The following CNTLN variants were observed in gnomAD, a reference collection of about 807,000 sequenced individuals.
The protein encoded by CNTLN is centlein, also known as centlein, centrosomal protein.
Under a neutral mutation model 180.0 loss-of-function variants are expected in CNTLN, and 212 were observed. That is an observed-to-expected ratio of 1.18 (90% CI 1.05 to 1.32). The LOEUF (loss-of-function observed/expected upper bound fraction) is 1.32, where lower values mean the gene tolerates loss of function less well. Ranked by LOEUF, CNTLN falls within the 40% of genes most tolerant of loss-of-function variation. The pLI, the probability that CNTLN is intolerant of heterozygous loss-of-function variation, is 0.00. For synonymous variants in CNTLN, 722 were observed against 563.1 expected, an observed-to-expected ratio of 1.28 and a Z score of -3.99; for missense variants, 2,095 against 1,610.9, an observed-to-expected ratio of 1.30 and a Z score of -5.14.
chr9:17,208,287 T>C (rs1823060621), intron 2 of CNTLN, among the ~76,000 whole-genome samples: 1 of 152,210 alleles, frequency 6.6e-6, no homozygotes, highest in African/African-American at 2.4e-5. Flanking sequence ...GATTTGCATA[T>C]GTTGAACTAT....
At chr9:17,395,887 C>A (rs1415497327) in intron 15 of CNTLN, among the ~76,000 whole-genome samples, 1 of 152,128 alleles carries the variant, frequency 6.6e-6, no homozygotes. Flanking sequence ...TGCTGGGCTG[C>A]ATTTCCAGAT....
intron 5 of CNTLN, among the ~76,000 whole-genome samples, chr9:17,272,258 G>A (rs557558262): frequency 6.6e-6 from 1 of 151,950 alleles, no homozygotes; most frequent in African/African-American, 2.4e-5. Flanking sequence ...TGCATTTTTA[G>A]TAGAGGCGGG....
intron 18 of CNTLN, among the ~76,000 whole-genome samples, chr9:17,437,109 G>A (rs757623595): frequency 2.6e-5 from 4 of 152,142 alleles, no homozygotes; most frequent in Non-Finnish European, 4.4e-5. Flanking sequence ...AATGTCACTC[G>A]GATCATGTTC....
chr9:17,522,538 G>C, the CNTLN span, among the ~76,000 whole-genome samples: 1 of 152,072 alleles, frequency 6.6e-6, no homozygotes, highest in African/African-American at 2.4e-5. Context: ...GCTCCTATGG[G>C]AGAAAGATTC....
intron 6 of CNTLN, among the ~76,000 whole-genome samples, chr9:17,295,504 T>A (rs1817826125): frequency 6.6e-6 from 1 of 152,120 alleles, no homozygotes; most frequent in Admixed American, 6.5e-5. Context: ...TCTCTGTGGG[T>A]TGTGCCAGCT....
chr9:17,464,518 T>C lies in CNTLN; in HGVS notation c.3426T>C (p.Asp1142=), dbSNP rs777902670. Residue 1142 remains aspartate (D), a synonymous_variant, in exon 21 of 26, where the codon GAT becomes GAC. Coordinates refer to ENST00000380647, the MANE Select transcript of CNTLN (RefSeq NM_017738.4). ...MHEKISRMER[D]ITMKRHLIED... is the part of the protein sequence containing the mutation. ...CAAGGATATCTCGAATGGAGAGGGA[T>C]ATAACTATGAAAAGACATTTGATAG... 6.5e-6 allele frequency: 10 copies of C among 1,533,368 alleles called. No homozygotes were observed. In the Admixed American group the frequency reaches 7.4e-5, roughly 11 times the overall value. 95.0% of individuals were successfully genotyped at this position (1,533,368 alleles called of 1,614,324 possible).
intron 23 of CNTLN, among the ~76,000 whole-genome samples, chr9:17,484,024 CA>C (rs1484066669): frequency 6.6e-6 from 1 of 152,112 alleles, no homozygotes; most frequent in Admixed American, 6.5e-5. Flanking sequence ...CTGCTGTAAG[CA>C]TTCACCAAGC....
At chr9:17,522,685 A>G in the CNTLN span, among the ~76,000 whole-genome samples, 180 of 152,276 alleles carry the variant, frequency 1.2e-3, no homozygotes, top group African/African-American at 4.0e-3. Context: ...AGGTACAAGG[A>G]TATTCAGGCT....
At chr9:17,319,304 C>A (rs893968943) in intron 8 of CNTLN, among the ~76,000 whole-genome samples, 1 of 152,150 alleles carries the variant, frequency 6.6e-6, no homozygotes, top group African/African-American at 2.4e-5. Context: ...TAATTCAGTA[C>A]GTCTGGGCTG....
chr9:17,337,699 C>G (rs1821147497), intron 10 of CNTLN, among the ~76,000 whole-genome samples: 1 of 152,108 alleles, frequency 6.6e-6, no homozygotes, highest in Non-Finnish European at 1.5e-5. Context: ...CACATGAATT[C>G]AATGACTAAT....
intron 6 of CNTLN, among the ~76,000 whole-genome samples, chr9:17,293,158 C>G (rs1253305885): frequency 6.6e-6 from 1 of 152,200 alleles, no homozygotes; most frequent in Non-Finnish European, 1.5e-5. Flanking sequence ...TGGCTGGGAT[C>G]TTCGTCCCAG....
intron 15 of CNTLN, among the ~76,000 whole-genome samples, chr9:17,401,501 G>A (rs1826973128): frequency 6.7e-6 from 1 of 148,270 alleles, no homozygotes; most frequent in Non-Finnish European, 1.5e-5. Flanking sequence ...GTCTCCTTAG[G>A]AGCTGAGACT....
intron 15 of CNTLN, among the ~76,000 whole-genome samples, chr9:17,400,264 C>T (rs530500328): frequency 3.3e-5 from 5 of 152,086 alleles, no homozygotes; most frequent in African/African-American, 4.8e-5. Flanking sequence ...CAGCCTCCTG[C>T]GTAGCTGGGA....
intron 8 of CNTLN, among the ~76,000 whole-genome samples, chr9:17,320,165 G>C (rs900365531): frequency 1.3e-5 from 2 of 152,164 alleles, no homozygotes; most frequent in African/African-American, 4.8e-5. Flanking sequence ...ATTTTAACCA[G>C]TCTTGTTGAT....
At chr9:17,337,509 T>C (rs1230782426) in intron 10 of CNTLN, among the ~76,000 whole-genome samples, 1 of 151,658 alleles carries the variant, frequency 6.6e-6, no homozygotes, top group Non-Finnish European at 1.5e-5. Context: ...ATATTGAACA[T>C]TTTACACTAA....
chr9:17,502,121 G>A (rs1396001648), intron 25 of CNTLN, among the ~76,000 whole-genome samples: 1 of 151,852 alleles, frequency 6.6e-6, no homozygotes, highest in East Asian at 1.9e-4. Context: ...TGAGATTTTC[G>A]GCTCTAACGC....
intron 5 of CNTLN, among the ~76,000 whole-genome samples, chr9:17,255,539 C>G (rs11789418): frequency 0.26 from 39,203 of 151,612 alleles, 5,206 homozygotes; most frequent in South Asian, 0.37. Context: ...GGCATAAATT[C>G]CACTTGGTCA....
intron 14 of CNTLN, 25 bp downstream of exon 14, chr9:17,388,278 G>C: frequency 6.9e-7 from 1 of 1,454,782 alleles, no homozygotes; most frequent in Non-Finnish European, 9.6e-7. Context: ...AAGATATTGA[G>C]CTGAGCAAGT....
intron 8 of CNTLN, among the ~76,000 whole-genome samples, chr9:17,321,146 C>T (rs368406012): frequency 6.6e-6 from 1 of 151,994 alleles, no homozygotes. Flanking sequence ...ATCTTGTTTG[C>T]TTACAGATAC....
Sources: allele counts gnomAD v4.1 joint callset (sites outside exome capture counted in the v4.1 genomes callset), GRCh38; gene constraint gnomAD v4.1.1; transcripts MANE v1.5; gene names NCBI Gene and HGNC (gene_info 2026-07-23, HGNC 2026-07-21).